GRIA1: variants seen among roughly 807,000 people sequenced by gnomAD.
GRIA1 encodes glutamate receptor 1.
Under a neutral mutation model 99.2 loss-of-function variants are expected in GRIA1, and 31 were observed. The ratio of observed to expected loss-of-function variants is 0.31; its 90% CI spans 0.23 to 0.42. The LOEUF is 0.42. Among genes scored for constraint, GRIA1 ranks in the 10% least tolerant of loss-of-function variants. The pLI is 1.00. For synonymous variants in GRIA1, 438 were observed against 432.4 expected (o/e 1.01, Z -0.16); for missense variants, 782 against 1,157.5 (o/e 0.68, Z 4.71).
At chr5:153,593,817 G>A (rs532918138) in intron 2 of GRIA1, among the ~76,000 whole-genome samples, 1 of 152,192 alleles carries the variant, frequency 6.6e-6, no homozygotes, top group South Asian at 2.1e-4. Context: ...CGCTAGTTCA[G>A]GCTCTCCTAT....
chr5:153,690,248 G>T (rs72802676), intron 8 of GRIA1, among the ~76,000 whole-genome samples: 10 of 150,518 alleles, frequency 6.6e-5, no homozygotes, highest in Non-Finnish European at 1.3e-4. Flanking sequence ...GGAAGTAAAA[G>T]GAATACAAAT....
At chr5:153,701,740 T>A (rs942216210) in intron 10 of GRIA1, among the ~76,000 whole-genome samples, 1 of 151,724 alleles carries the variant, frequency 6.6e-6, no homozygotes, top group African/African-American at 2.4e-5. Flanking sequence ...AAGAACCAAG[T>A]GATTTGGAGA....
intron 2 of GRIA1, among the ~76,000 whole-genome samples, chr5:153,623,343 A>G (rs1336315039): frequency 6.6e-6 from 1 of 152,164 alleles, no homozygotes; most frequent in Non-Finnish European, 1.5e-5. Context: ...GCACGAGAGG[A>G]TGAAATCTGC....
intron 2 of GRIA1, among the ~76,000 whole-genome samples, chr5:153,536,671 C>T (rs973548989): frequency 1.5e-4 from 23 of 152,316 alleles, no homozygotes; most frequent in Non-Finnish European, 2.8e-4. Context: ...AAAATTTCAA[C>T]TAACATGATG....
intron 14 of GRIA1, 90 bp from the exon 15 acceptor site, chr5:153,802,266 G>A: frequency 8.7e-7 from 1 of 1,146,294 alleles, no homozygotes. Flanking sequence ...GTGTGTATGT[G>A]TGAAAATATG....
At chr5:153,635,843 C>G (rs1391554917) in intron 2 of GRIA1, among the ~76,000 whole-genome samples, 1 of 152,196 alleles carries the variant, frequency 6.6e-6, no homozygotes, top group Non-Finnish European at 1.5e-5. Context: ...CTGGCGTCTC[C>G]TCTGCCATCT....
intron 5 of GRIA1, among the ~76,000 whole-genome samples, chr5:153,668,075 A>C (rs1376895956): frequency 6.6e-6 from 1 of 152,198 alleles, no homozygotes; most frequent in African/African-American, 2.4e-5. Flanking sequence ...CTCACCAGCC[A>C]TATAACCTTA....
At chr5:153,802,774 G>A (rs182028842) in intron 15 of GRIA1, among the ~76,000 whole-genome samples, 9 of 152,178 alleles carry the variant, frequency 5.9e-5, no homozygotes, top group East Asian at 1.9e-4. Flanking sequence ...GATAGGTAGC[G>A]CAGCGAGAGG....
chr5:153,561,383 C>A (rs1198434328), intron 2 of GRIA1, among the ~76,000 whole-genome samples: 1 of 152,116 alleles, frequency 6.6e-6, no homozygotes, highest in Non-Finnish European at 1.5e-5. Context: ...GAGGACAGTT[C>A]ATGACAAGCC....
At chr5:153,799,767 C>T (rs376222823) in intron 14 of GRIA1, among the ~76,000 whole-genome samples, 1 of 152,178 alleles carries the variant, frequency 6.6e-6, no homozygotes, top group Non-Finnish European at 1.5e-5. Flanking sequence ...CCCTCACACA[C>T]ATTGCCATCT....
intron 5 of GRIA1, among the ~76,000 whole-genome samples, chr5:153,671,004 A>T (rs1477818979): frequency 6.6e-6 from 1 of 152,228 alleles, no homozygotes; most frequent in East Asian, 1.9e-4. Flanking sequence ...GTTCATGACC[A>T]CAAGTTATTT....
intron 2 of GRIA1, among the ~76,000 whole-genome samples, chr5:153,559,348 A>G (rs1336481607): frequency 6.6e-6 from 1 of 152,138 alleles, no homozygotes; most frequent in East Asian, 1.9e-4. Flanking sequence ...GGTGTTTATC[A>G]AGATGAGGCA....
At chr5:153,668,939 T>C (rs1755949320) in intron 5 of GRIA1, among the ~76,000 whole-genome samples, 1 of 152,244 alleles carries the variant, frequency 6.6e-6, no homozygotes, top group East Asian at 1.9e-4. Flanking sequence ...TAAAGTCATA[T>C]GTTTCTCCAC....
intron 2 of GRIA1, among the ~76,000 whole-genome samples, chr5:153,529,752 C>T (rs942174833): frequency 6.6e-6 from 1 of 152,044 alleles, no homozygotes; most frequent in African/African-American, 2.4e-5. Flanking sequence ...AAATGGATAT[C>T]CTGAGGCTTT....
intron 11 of GRIA1, among the ~76,000 whole-genome samples, chr5:153,720,009 T>C (rs1328233204): frequency 6.6e-6 from 1 of 152,230 alleles, no homozygotes; most frequent in Admixed American, 6.5e-5. Context: ...TCAGTGTTTA[T>C]TAATTTTTTG....
At chr5:153,718,728 C>T (rs111243622) in intron 11 of GRIA1, among the ~76,000 whole-genome samples, 1 of 152,264 alleles carries the variant, frequency 6.6e-6, no homozygotes, top group African/African-American at 2.4e-5. Context: ...TCCCTGGTCC[C>T]CCACCAATCA....
At chr5:153,694,077 A>G (rs1020684402) in intron 8 of GRIA1, among the ~76,000 whole-genome samples, 1 of 152,240 alleles carries the variant, frequency 6.6e-6, no homozygotes, top group Non-Finnish European at 1.5e-5. Flanking sequence ...ATTTCTAACT[A>G]TTCTACTAGC....
chr5:153,723,771 T>C lies in GRIA1; in HGVS notation c.1823+17704T>C, dbSNP rs1760273041. 3.3e-5 allele frequency among the ~76,000 whole-genome samples: 5 copies of C among 151,488 alleles called. No homozygotes were observed. In the South Asian group the frequency reaches 1.1e-3, roughly 32 times the overall value. ...CGAACTGGGTGGAGCCCACCACAGC[T>C]CAAGGAGGCCTGCCTGCCTCTGTAG... On this transcript the variant is annotated intron_variant, in intron 11 of 15. Transcript: ENST00000285900.
At chr5:153,802,567 A>G in intron 15 of GRIA1, 77 bp downstream of exon 15, 2 of 1,466,062 alleles carry the variant, frequency 1.4e-6, no homozygotes, top group Non-Finnish European at 1.9e-6. Context: ...CCTTTGCTAG[A>G]AAGGGTGGGG....
Sources: gnomAD v4.1 joint callset for allele counts (sites outside exome capture counted in the v4.1 genomes callset) on GRCh38, gnomAD v4.1.1 for gene constraint, MANE v1.5 for transcripts, NCBI Gene and HGNC (gene_info 2026-07-23, HGNC 2026-07-21) for gene names.